PUM1: variants seen among roughly 807,000 people sequenced by gnomAD.
PUM1 encodes pumilio homolog 1.
PUM1 carries 13 observed loss-of-function variants against 131.8 expected under a neutral mutation model. That is an observed-to-expected ratio of 0.10 (90% CI 0.06 to 0.16). The LOEUF (loss-of-function observed/expected upper bound fraction) is 0.16, where lower values mean the gene tolerates loss of function less well. Ranked by LOEUF, PUM1 falls within the 10% of genes least tolerant of loss-of-function variation. The pLI, the probability that PUM1 is intolerant of heterozygous loss-of-function variation, is 1.00. For synonymous variants in PUM1, 509 were observed against 556.5 expected (o/e 0.91, Z 1.20); for missense variants, 961 against 1,512.4 (o/e 0.64, Z 6.05).
At chr1:30,993,135 T>C (rs1288193722) in intron 6 of PUM1, among the ~76,000 whole-genome samples, 1 of 152,080 alleles carries the variant, frequency 6.6e-6, no homozygotes, top group African/African-American at 2.4e-5. Flanking sequence ...AGAAACAGAA[T>C]GAAAAAAGTT....
At chr1:30,942,191 T>TTATATTTATATATATA (rs1639466763) in intron 18 of PUM1, 68 bp from the exon 19 acceptor site, 1 of 143,388 alleles carries the variant, frequency 7.0e-6, no homozygotes, top group African/African-American at 6.0e-5. Context: ...TCAGTATTGT[T>TTATATTTATATATATA]TATATATATA....
intron 10 of PUM1, among the ~76,000 whole-genome samples, chr1:30,969,292 A>G (rs990616578): frequency 3.4e-5 from 5 of 147,158 alleles, no homozygotes; most frequent in Admixed American, 2.1e-4. Context: ...AAAAAGAGCA[A>G]AACTCCATTT....
At chr1:30,998,516 C>T (rs1025945729) in intron 5 of PUM1, among the ~76,000 whole-genome samples, 6 of 152,072 alleles carry the variant, frequency 3.9e-5, no homozygotes, top group African/African-American at 1.4e-4. Flanking sequence ...AGGTGGCATG[C>T]GCCTGTAGTC....
In PUM1 at chr1:31,006,132, T is replaced by C. The variant is rs967709556; in HGVS notation, c.542-101A>G. The C allele has an allele frequency of 1.3e-5, 14 of 1,116,020 alleles. No individual in the cohort carries two copies. In the African/African-American group the frequency reaches 1.7e-4, roughly 14 times the overall value. The allele number at this position is 1,116,020 out of a possible 1,614,324, so 69.1% of individuals were successfully genotyped here. The stretch of plus-strand genomic sequence containing the variant: ...ACCAATGGAATCAGGAAACTTGCCA[T>C]GGTCAGTTGAGCCAAAACCTCCTAT... On this transcript the variant is annotated intron_variant, in intron 4 of 21. Coordinates refer to ENST00000426105, the MANE Select transcript of PUM1 (RefSeq NM_001020658.2).
chr1:30,937,183 G>A (rs942856057), intron 20 of PUM1, among the ~76,000 whole-genome samples: 6 of 152,126 alleles, frequency 3.9e-5, no homozygotes, highest in Non-Finnish European at 8.8e-5. Flanking sequence ...CCTCTAACGG[G>A]TAAGGGTAAG....
intron 3 of PUM1, among the ~76,000 whole-genome samples, chr1:31,022,866 T>G (rs1346395289): frequency 6.6e-6 from 1 of 152,186 alleles, no homozygotes; most frequent in Non-Finnish European, 1.5e-5. Flanking sequence ...CTATTCCTAT[T>G]GTACGTGAAA....
intron 2 of PUM1, among the ~76,000 whole-genome samples, chr1:31,030,702 G>A (rs536741359): frequency 9.6e-6 from 1 of 104,532 alleles, no homozygotes; most frequent in Non-Finnish European, 1.8e-5. Flanking sequence ...GAGTGAGACA[G>A]TGTCCGGAAA....
intron 3 of PUM1, among the ~76,000 whole-genome samples, chr1:31,024,666 A>G (rs1191104484): frequency 1.3e-5 from 2 of 152,220 alleles, no homozygotes; most frequent in African/African-American, 4.8e-5. Context: ...ATCTTAAGGG[A>G]AAAAAAGGTC....
At chr1:31,002,524 T>C (rs1379920638) in intron 5 of PUM1, among the ~76,000 whole-genome samples, 1 of 152,144 alleles carries the variant, frequency 6.6e-6, no homozygotes, top group Non-Finnish European at 1.5e-5. Flanking sequence ...TCAGCTGGTA[T>C]TCCAGAGAGC....
In PUM1 at chr1:31,042,052, C is replaced by T. The variant is rs528305467; in HGVS notation, c.364-13188G>A. Among the ~76,000 whole-genome samples, 5 of 152,202 alleles carry T rather than the reference C, an allele frequency of 3.3e-5. No individual in the cohort carries two copies. In the South Asian group the frequency reaches 1.0e-3, roughly 32 times the overall value. ...AGGCCCAGTGGCTCACGCCTGTAATCCCAGGACTTTGGGAGGCCGAGGCAG... is the reference window on the plus strand; with the variant it reads ...AGGCCCAGTGGCTCACGCCTGTAATTCCAGGACTTTGGGAGGCCGAGGCAG... On this transcript the variant is annotated intron_variant, in intron 2 of 21. Coordinates refer to ENST00000426105, the MANE Select transcript of PUM1 (RefSeq NM_001020658.2).
At chr1:30,940,969 G>A (rs1235280788) in intron 20 of PUM1, among the ~76,000 whole-genome samples, 182 bp downstream of exon 20, 1 of 152,138 alleles carries the variant, frequency 6.6e-6, no homozygotes, top group Non-Finnish European at 1.5e-5. Flanking sequence ...CTCTATCAGA[G>A]TAAGAAGCCC....
intron 3 of PUM1, among the ~76,000 whole-genome samples, chr1:31,013,380 G>A (rs1642691577): frequency 6.6e-6 from 1 of 152,176 alleles, no homozygotes; most frequent in Non-Finnish European, 1.5e-5. Context: ...TAAAATATTA[G>A]GTAACTGCTT....
chr1:31,036,057 G>A (rs536278646), intron 2 of PUM1, among the ~76,000 whole-genome samples: 87 of 151,446 alleles, frequency 5.7e-4, no homozygotes, highest in African/African-American at 1.9e-3. Flanking sequence ...ATAAAGATCC[G>A]AAATAGAATT....
chr1:31,019,383 C>A (rs1223247273), intron 3 of PUM1, among the ~76,000 whole-genome samples: 2 of 152,162 alleles, frequency 1.3e-5, no homozygotes, highest in African/African-American at 4.8e-5. Context: ...AATTTTAGGA[C>A]AACCACAAAT....
intron 2 of PUM1, among the ~76,000 whole-genome samples, chr1:31,041,828 T>C (rs928841319): frequency 1.3e-5 from 2 of 152,114 alleles, no homozygotes; most frequent in African/African-American, 2.4e-5. Flanking sequence ...CAGTCTCCTA[T>C]ATTCCTTTAT....
At chr1:30,955,847 T>G (rs1221707355) in intron 14 of PUM1, among the ~76,000 whole-genome samples, 1 of 152,194 alleles carries the variant, frequency 6.6e-6, no homozygotes, top group Non-Finnish European at 1.5e-5. Context: ...AGAAAATGAC[T>G]CAATGCAGAA....
At chr1:31,025,545 C>CTT (rs35510099) in intron 3 of PUM1, among the ~76,000 whole-genome samples, 3,680 of 88,736 alleles carry the variant, frequency 0.041, 104 homozygotes, top group East Asian at 0.049. Flanking sequence ...TGTTTTTTGT[C>CTT]TTTTTTTTTT....
intron 2 of PUM1, among the ~76,000 whole-genome samples, chr1:31,037,641 A>T (rs969743310): frequency 2.6e-5 from 4 of 152,014 alleles, no homozygotes; most frequent in Non-Finnish European, 5.9e-5. Flanking sequence ...AACTGCTTGA[A>T]CCAAGGAAGC....
chr1:31,031,297 C>T (rs1341997470), intron 2 of PUM1, among the ~76,000 whole-genome samples: 1 of 152,082 alleles, frequency 6.6e-6, no homozygotes, highest in East Asian at 1.9e-4. Context: ...CTTGGAAATC[C>T]AAAAACCTAC....
Sources: allele counts gnomAD v4.1 joint callset (sites outside exome capture counted in the v4.1 genomes callset), GRCh38; gene constraint gnomAD v4.1.1; transcripts MANE v1.5; gene names NCBI Gene and HGNC (gene_info 2026-07-23, HGNC 2026-07-21).